Variants in SAMD5 observed in about 807,000 individuals in gnomAD.
The protein encoded by SAMD5 is sterile alpha motif domain-containing protein 5.
SAMD5 carries 13 observed loss-of-function variants against 11.3 expected under a neutral mutation model. The observed-to-expected ratio is 1.15, with a 90% CI of 0.75 to 1.83. The LOEUF (loss-of-function observed/expected upper bound fraction) is 1.83. Ranked by LOEUF, SAMD5 falls within the 40% of genes most tolerant of loss-of-function variation. SAMD5 has a pLI of 0.00. For missense variants in SAMD5, 255 were observed against 239.1 expected, an observed-to-expected ratio of 1.07 and a Z score of -0.44; for synonymous variants, 129 against 111.3, an observed-to-expected ratio of 1.16 and a Z score of -1.00.
the SAMD5 span, among the ~76,000 whole-genome samples, chr6:147,889,619 G>A: frequency 1.4e-4 from 21 of 152,100 alleles, no homozygotes; most frequent in Admixed American, 2.6e-4. Context: ...CAAAATTTGC[G>A]TCAAAGGATT....
chr6:147,551,148 T>C (rs2128443091), intron 1 of SAMD5, among the ~76,000 whole-genome samples: 1 of 152,316 alleles, frequency 6.6e-6, no homozygotes, highest in South Asian at 2.1e-4. Flanking sequence ...AGTTCAGTTG[T>C]TAGGTGCCAG....
At chr6:147,794,343 T>G in the SAMD5 span, among the ~76,000 whole-genome samples, 2 of 152,166 alleles carry the variant, frequency 1.3e-5, no homozygotes, top group African/African-American at 4.8e-5. Flanking sequence ...TTAACCCATT[T>G]TCTCATTACA....
At chr6:147,626,493 T>C (rs1453479978) in intron 1 of SAMD5, among the ~76,000 whole-genome samples, 1 of 151,906 alleles carries the variant, frequency 6.6e-6, no homozygotes. Context: ...AGAACACTGA[T>C]TTAGCCTTTG....
chr6:147,512,967 C>T (rs780110278), intron 1 of SAMD5, among the ~76,000 whole-genome samples: 4 of 152,150 alleles, frequency 2.6e-5, no homozygotes, highest in Non-Finnish European at 4.4e-5. Flanking sequence ...TGGCCTATGA[C>T]CTGAGTACTG....
At chr6:147,884,671 T>G in the SAMD5 span, among the ~76,000 whole-genome samples, 1 of 152,192 alleles carries the variant, frequency 6.6e-6, no homozygotes, top group Non-Finnish European at 1.5e-5. Flanking sequence ...GTTTATTGTC[T>G]TCATGATATA....
At chr6:147,549,330 C>T (rs1788732342) in intron 1 of SAMD5, among the ~76,000 whole-genome samples, 1 of 152,172 alleles carries the variant, frequency 6.6e-6, no homozygotes, top group Admixed American at 6.5e-5. Flanking sequence ...TAGGCCTGTG[C>T]TTCTTGCTTT....
At chr6:147,738,316 C>T (rs771563468), downstream of SAMD5, among the ~76,000 whole-genome samples, 14 of 152,284 alleles carry the variant, frequency 9.2e-5, no homozygotes, top group Middle Eastern at 3.4e-3. Context: ...GCTAACTATT[C>T]GTACTCCTTC....
chr6:147,600,195 G>T (rs1050277280), intron 1 of SAMD5, among the ~76,000 whole-genome samples: 4 of 152,156 alleles, frequency 2.6e-5, no homozygotes, highest in African/African-American at 9.7e-5. Flanking sequence ...AGGGTCGTAG[G>T]AATGGTTCCT....
In SAMD5 at chr6:147,564,670, A is replaced by C; in HGVS notation, c.*214A>C. 1.5e-6 allele frequency: 2 copies of C among 1,308,804 alleles called. No individual in the cohort carries two copies. The highest frequency in any genetic ancestry group is 1.9e-6 in the Non-Finnish European group (2 of 1,027,056). The allele number at this position is 1,308,804 out of a possible 1,614,324, so 81.1% of individuals were successfully genotyped here. A position where few individuals can be genotyped will look rare whatever the true frequency, so the allele number is the denominator to read the frequency against. On this transcript the variant is annotated 3_prime_UTR_variant, in exon 2 of 2. Transcript: ENST00000367474. The stretch of plus-strand genomic sequence containing the variant: ...GAAATAAGGCAGTGAACTATCACGC[A>C]TAAAGAAGTATTGAGTTCATTTTTT...
chr6:147,597,952 A>G (rs933899297), intron 1 of SAMD5, among the ~76,000 whole-genome samples: 1 of 152,158 alleles, frequency 6.6e-6, no homozygotes, highest in Non-Finnish European at 1.5e-5. Context: ...CCAGCCCTGC[A>G]CAGCTGCTCC....
chr6:147,776,671 A>T, the SAMD5 span, among the ~76,000 whole-genome samples: 35 of 152,354 alleles, frequency 2.3e-4, no homozygotes, highest in African/African-American at 7.0e-4. Flanking sequence ...GTTGCTTTCC[A>T]AAGTGTAGAA....
At chr6:147,737,541 A>G (rs1272849544) in exon 2 of SAMD5, 2 of 254,250 alleles carry the variant, frequency 7.9e-6, no homozygotes, top group African/African-American at 4.4e-5. Context: ...TCCTTTTGGG[A>G]CAGTGATCCA....
chr6:147,528,978 C>T (rs1788386944), intron 1 of SAMD5, among the ~76,000 whole-genome samples: 1 of 152,188 alleles, frequency 6.6e-6, no homozygotes, highest in Admixed American at 6.5e-5. Flanking sequence ...TGACCTCAGC[C>T]AGATTGCTTC....
At chr6:147,870,478 G>GTATA in the SAMD5 span, among the ~76,000 whole-genome samples, 33 of 136,188 alleles carry the variant, frequency 2.4e-4, no homozygotes, top group Non-Finnish European at 4.5e-4. Context: ...GTGTGTGTGT[G>GTATA]TGTGTATATA....
At position 147,602,693 on chromosome 6, in the gene SAMD5, A is replaced by G. The variant is rs1355866884; in HGVS notation, c.162+93306A>G. On this transcript the variant is annotated intron_variant, in intron 1 of 1. Coordinates refer to the SAMD5 transcript ENST00000566741. ...TGGGAGGCGGAGGTTGTAGTGAGCC[A>G]AGATTGCACCACTGCACTGTAGCCT... 2.6e-5 allele frequency among the ~76,000 whole-genome samples: 4 copies of G among 152,140 alleles called. No individual in the cohort carries two copies. In the East Asian group the frequency reaches 5.8e-4, roughly 22 times the overall value.
chr6:147,639,725 T>C (rs567454483), intron 1 of SAMD5, among the ~76,000 whole-genome samples: 1 of 152,360 alleles, frequency 6.6e-6, no homozygotes, highest in South Asian at 2.1e-4. Flanking sequence ...CATCTTTCTT[T>C]GGGAGAATTT....
chr6:147,584,563 G>A (rs571139796), intron 1 of SAMD5, among the ~76,000 whole-genome samples: 1 of 152,288 alleles, frequency 6.6e-6, no homozygotes, highest in East Asian at 1.9e-4. Context: ...GCCTTGGCCA[G>A]TTCCTAGCCC....
At chr6:147,702,237 T>TGATTCAGTTACCTCCCACA (rs1355652453) in intron 1 of SAMD5, among the ~76,000 whole-genome samples, 2 of 152,170 alleles carry the variant, frequency 1.3e-5, no homozygotes, top group Non-Finnish European at 2.9e-5. Context: ...CCCGCCCCCA[T>TGATTCAGTTACCTCCCACA]GATTCAGTTA....
chr6:147,864,516 G>A, the SAMD5 span, among the ~76,000 whole-genome samples: 1 of 152,188 alleles, frequency 6.6e-6, no homozygotes, highest in Non-Finnish European at 1.5e-5. Flanking sequence ...GGCATCATTT[G>A]GGGGAGATCT....
Sources: allele counts gnomAD v4.1 joint callset (sites outside exome capture counted in the v4.1 genomes callset), GRCh38; gene constraint gnomAD v4.1.1; transcripts MANE v1.5; gene names NCBI Gene and HGNC (gene_info 2026-07-23, HGNC 2026-07-21).